UBE2R2: variants seen among roughly 807,000 people sequenced by gnomAD.
UBE2R2 encodes ubiquitin-conjugating enzyme E2 R2.
UBE2R2 carries 1 observed loss-of-function variant against 27.8 expected under a neutral mutation model. The ratio of observed to expected loss-of-function variants is 0.04; its 90% CI spans 0.01 to 0.17. The LOEUF is 0.17. UBE2R2 is among the 10% of genes least tolerant of loss of function. The pLI is 1.00. For synonymous variants in UBE2R2, 106 were observed against 113.3 expected, an observed-to-expected ratio of 0.94 and a Z score of 0.41; for missense variants, 100 against 291.0, an observed-to-expected ratio of 0.34 and a Z score of 4.78.
At chr9:33,900,767 C>T (rs1269844191) in intron 3 of UBE2R2, among the ~76,000 whole-genome samples, 1 of 152,132 alleles carries the variant, frequency 6.6e-6, no homozygotes, top group Admixed American at 6.6e-5. Context: ...TGGGGTCTCA[C>T]TAAGTTGCCC....
At position 33,912,023 on chromosome 9, in the gene UBE2R2, A is replaced by G. The variant is rs779184762; in HGVS notation, c.422A>G (p.Asn141Ser). 4 of 1,613,920 alleles carry G rather than the reference A, an allele frequency of 2.5e-6. No homozygotes were observed. Among genetic ancestry groups the G allele is most frequent in the Middle Eastern group, 1.6e-4 (1 of 6,062 alleles). Reference sequence around the variant, plus strand: ...GAGCCCAACACCTTCTCCCCAGCCAATGTCGATGCTTCAGTTATGTTCAGG... The same window carrying G: ...GAGCCCAACACCTTCTCCCCAGCCAGTGTCGATGCTTCAGTTATGTTCAGG... ...LNEPNTFSPA[N>S]VDASVMFRKW... The change falls in exon 4 of 5, where the codon AAT becomes AGT. Residue 141 changes from asparagine (N) to serine (S), a missense_variant. This residue lies in a region of UBE2R2 where 55 missense variants were observed against 122.6 expected (regional missense o/e 0.45). Coordinates refer to ENST00000263228, the MANE Select transcript of UBE2R2 (RefSeq NM_017811.4).
At chr9:33,885,907 TAACAGC>T (rs1365917241) in intron 1 of UBE2R2, among the ~76,000 whole-genome samples, 2 of 152,190 alleles carry the variant, frequency 1.3e-5, no homozygotes, top group Non-Finnish European at 1.5e-5. Flanking sequence ...GCAGGATTTG[TAACAGC>T]AAAGGTGTGA....
chr9:33,879,815 T>G (rs1821693519), intron 1 of UBE2R2, among the ~76,000 whole-genome samples: 1 of 148,976 alleles, frequency 6.7e-6, no homozygotes, highest in Admixed American at 6.8e-5. Context: ...TTTATGTCAG[T>G]TCTCTTTCTT....
intron 1 of UBE2R2, among the ~76,000 whole-genome samples, chr9:33,880,007 T>C (rs887459654): frequency 4.0e-5 from 6 of 151,680 alleles, no homozygotes; most frequent in African/African-American, 1.5e-4. Flanking sequence ...TACCTCAGCC[T>C]CCCAAGTAGC....
At chr9:33,875,953 A>T (rs1296979578) in intron 1 of UBE2R2, among the ~76,000 whole-genome samples, 1 of 152,250 alleles carries the variant, frequency 6.6e-6, no homozygotes, top group Non-Finnish European at 1.5e-5. Flanking sequence ...ATAAAATTTC[A>T]AAAAGGGAAG....
intron 3 of UBE2R2, among the ~76,000 whole-genome samples, chr9:33,900,833 G>A (rs1470424609): frequency 6.6e-6 from 1 of 152,058 alleles, no homozygotes; most frequent in Non-Finnish European, 1.5e-5. Context: ...CTCCCAAAGC[G>A]CTGGGATTAT....
At position 33,817,706 on chromosome 9, in the gene UBE2R2, T is replaced by A; in HGVS notation, c.-52T>A. 1 of 1,384,876 alleles carries A rather than the reference T, an allele frequency of 7.2e-7. No individual in the cohort carries two copies. Among genetic ancestry groups the A allele is most frequent in the Non-Finnish European group, 9.3e-7 (1 of 1,070,220 alleles). The allele number at this position is 1,384,876 out of a possible 1,614,324, so 85.8% of individuals were successfully genotyped here. On this transcript the variant is annotated 5_prime_UTR_variant, in exon 1 of 5. Transcript: ENST00000263228. Reference sequence around the variant, plus strand: ...GAGGGGCCTGGTCCGGCCCGGCCGGTGCGTGAGGACTGGGGCCCGGGCCCG... The same window carrying A: ...GAGGGGCCTGGTCCGGCCCGGCCGGAGCGTGAGGACTGGGGCCCGGGCCCG...
At chr9:33,884,912 T>G (rs1821824674) in intron 1 of UBE2R2, among the ~76,000 whole-genome samples, 1 of 152,252 alleles carries the variant, frequency 6.6e-6, no homozygotes, top group Non-Finnish European at 1.5e-5. Context: ...TTGCCATTGC[T>G]GCTGCTGTTG....
chr9:33,916,582 C>T (rs994644939), intron 4 of UBE2R2, among the ~76,000 whole-genome samples: 1 of 152,084 alleles, frequency 6.6e-6, no homozygotes, highest in Non-Finnish European at 1.5e-5. Flanking sequence ...AACTAGGAGG[C>T]GTATTAGCCC....
intron 2 of UBE2R2, among the ~76,000 whole-genome samples, chr9:33,888,210 T>C (rs191171717): frequency 2.0e-5 from 3 of 152,360 alleles, no homozygotes; most frequent in African/African-American, 7.2e-5. Flanking sequence ...TGTAGTAGTC[T>C]ATAATGCTCA....
intron 1 of UBE2R2, among the ~76,000 whole-genome samples, chr9:33,829,164 G>A (rs1820384749): frequency 6.6e-6 from 1 of 152,036 alleles, no homozygotes; most frequent in Non-Finnish European, 1.5e-5. Flanking sequence ...CACCGCGCCT[G>A]GCCTTTTGTC....
At chr9:33,908,386 T>C (rs1822410941) in intron 3 of UBE2R2, among the ~76,000 whole-genome samples, 1 of 152,136 alleles carries the variant, frequency 6.6e-6, no homozygotes, top group South Asian at 2.1e-4. Flanking sequence ...TGGTCTTATG[T>C]CTACTGCTGT....
chr9:33,842,352 A>G (rs1203586639), intron 1 of UBE2R2, among the ~76,000 whole-genome samples: 2 of 152,202 alleles, frequency 1.3e-5, no homozygotes, highest in African/African-American at 4.8e-5. Context: ...AGTGAGCCTT[A>G]TGGCACTGCA....
intron 1 of UBE2R2, among the ~76,000 whole-genome samples, chr9:33,822,883 T>C (rs1305228074): frequency 6.6e-6 from 1 of 151,102 alleles, no homozygotes; most frequent in South Asian, 2.1e-4. Context: ...TATTTCTTTT[T>C]TTTCTTTTTC....
At chr9:33,818,015 A>G (rs2130697436) in intron 1 of UBE2R2, 81 bp downstream of exon 1, 2 of 1,513,964 alleles carry the variant, frequency 1.3e-6, no homozygotes, top group African/African-American at 1.4e-5. Context: ...TCCTGGGACC[A>G]GGAGTATGAG....
intron 4 of UBE2R2, 135 bp from the exon 5 acceptor site, chr9:33,916,883 C>CT (rs1271520713): frequency 7.4e-7 from 1 of 1,354,560 alleles, no homozygotes; most frequent in Non-Finnish European, 9.9e-7. Flanking sequence ...TACAGGGTAT[C>CT]TGTCAGATGC....
intron 1 of UBE2R2, among the ~76,000 whole-genome samples, chr9:33,833,434 T>TC (rs1820542483): frequency 6.6e-6 from 1 of 152,206 alleles, no homozygotes. Flanking sequence ...CCTCAGGTGA[T>TC]CCACCTGCCT....
chr9:33,821,007 A>G (rs1255666106), intron 1 of UBE2R2, among the ~76,000 whole-genome samples: 1 of 152,080 alleles, frequency 6.6e-6, no homozygotes, highest in Admixed American at 6.6e-5. Context: ...TCCATTCTGA[A>G]TACTATACAA....
chr9:33,886,805 T>C lies in UBE2R2; in HGVS notation c.178-76T>C. 3 of 1,216,346 alleles carry C rather than the reference T, an allele frequency of 2.5e-6. No homozygotes were observed. The African/African-American group carries it at 4.7e-5, about 19-fold the overall frequency. The allele number at this position is 1,216,346 out of a possible 1,614,324, so 75.3% of individuals were successfully genotyped here. On this transcript the variant is annotated intron_variant, in intron 1 of 4. Transcript: ENST00000263228. The stretch of plus-strand genomic sequence containing the variant: ...TGAAAGGAGCTTTGTTTCTGTGGCG[T>C]GTAGTAGGGTGAATTATTAGGCAGA...
Sources: allele counts gnomAD v4.1 joint callset (sites outside exome capture counted in the v4.1 genomes callset), GRCh38; gene constraint gnomAD v4.1.1; regional missense constraint gnomAD v4.1.1; transcripts MANE v1.5; gene names NCBI Gene and HGNC (gene_info 2026-07-23, HGNC 2026-07-21).